USH1C: variants seen among roughly 807,000 people sequenced by gnomAD.
The protein encoded by USH1C is USH1 protein network component harmonin, also known as harmonin.
USH1C carries 90 observed loss-of-function variants against 119.3 expected under a neutral mutation model. The observed-to-expected ratio is 0.75, with a 90% CI of 0.64 to 0.90. The LOEUF (loss-of-function observed/expected upper bound fraction) is 0.90. Ranked by LOEUF, USH1C falls within the 40% of genes least tolerant of loss-of-function variation. The pLI, the probability that USH1C is intolerant of heterozygous loss-of-function variation, is 0.00. For synonymous variants in USH1C, 465 were observed against 443.3 expected (o/e 1.05, Z -0.62); for missense variants, 1,165 against 1,167.7 (o/e 1.00, Z 0.03).
rs1402165497 is a variant in USH1C, at chr11:17,510,278, C to T, written c.1530+127G>A. ...GGGGAGTGGGGTGGTAGGGGTGGGCCTGGACAGTGGATGGGCACTGTGAGG... is the reference window on the plus strand; with the variant it reads ...GGGGAGTGGGGTGGTAGGGGTGGGCTTGGACAGTGGATGGGCACTGTGAGG... On this transcript the variant is annotated intron_variant, in intron 17 of 26. Coordinates refer to ENST00000005226, the MANE Select transcript of USH1C (RefSeq NM_153676.4). 9.0e-6 allele frequency: 7 copies of T among 775,880 alleles called. No individual in the cohort carries two copies. In the East Asian group the frequency reaches 1.8e-4, roughly 20 times the overall value. 48.1% of individuals were successfully genotyped at this position (775,880 alleles called of 1,614,324 possible).
chr11:17,517,133 G>A (rs1477615734), intron 14 of USH1C, among the ~76,000 whole-genome samples: 1 of 152,124 alleles, frequency 6.6e-6, no homozygotes, highest in Non-Finnish European at 1.5e-5. Flanking sequence ...AGCAGCAGAG[G>A]GGGAATTTGG....
intron 17 of USH1C, 55 bp downstream of exon 17, chr11:17,510,350 G>T: frequency 6.9e-7 from 1 of 1,446,472 alleles, no homozygotes. Context: ...TGTCCCCACA[G>T]TGGGTCATTC....
At chr11:17,494,857 G>T in intron 26 of USH1C, 1 of 262,084 alleles carries the variant, frequency 3.8e-6, no homozygotes, top group South Asian at 5.0e-5. Flanking sequence ...CTGTCCACGG[G>T]CACATCCCTA....
Position 17,505,871 on chromosome 11 carries a change from G to T in USH1C, c.2092C>A (p.Pro698Thr). The T allele has an allele frequency of 6.2e-7, 1 of 1,614,204 alleles. No individual in the cohort carries two copies. The highest frequency in any genetic ancestry group is 8.5e-7 in the Non-Finnish European group (1 of 1,180,028). ...ISKPVMVHQE[P>T]NFIYRPAVKS... ...ACAGCTGGCCTGTAGATGAAATTGG[G>T]CTCCTGGTGGACCATGACAGGTTTG... Residue 698 changes from proline to threonine, a missense_variant, in exon 19 of 27, where the codon CCC becomes ACC. Transcript: ENST00000005226.
intron 16 of USH1C, 40 bp from the exon 17 acceptor site, chr11:17,510,561 G>T (rs750571535): frequency 1.4e-6 from 2 of 1,449,590 alleles, no homozygotes; most frequent in East Asian, 4.5e-5. Flanking sequence ...AGGACAAAGG[G>T]CACATTTGAA....
At chr11:17,519,050 C>T (rs1008839392) in intron 14 of USH1C, among the ~76,000 whole-genome samples, 2 of 151,988 alleles carry the variant, frequency 1.3e-5, no homozygotes, top group Non-Finnish European at 2.9e-5. Flanking sequence ...GGGCCCACCC[C>T]TTGCAGGCAT....
At position 17,510,471 on chromosome 11, in the gene USH1C, A is replaced by G. The variant is rs912495283; in HGVS notation, c.1464T>C (p.Tyr488=). ...EDLEESEKIQ[Y]WVERLCQTRL... ...GCGTTTGACAGAGCCTCTCCACCCA[A>G]TATTGAATCTTTTCCGATTCTTCAA... The change falls in exon 17 of 27, where the codon TAT becomes TAC. Residue 488 remains tyrosine (Y), a synonymous_variant. Transcript: ENST00000005226. The G allele has an allele frequency of 1.2e-6, 2 of 1,613,744 alleles. No homozygotes were observed. Among genetic ancestry groups the G allele is most frequent in the Non-Finnish European group, 8.5e-7 (1 of 1,179,980 alleles).
Position 17,509,361 on chromosome 11 carries a change from G to T in USH1C, c.2008C>A (p.Pro670Thr). Residue 670 changes from proline (P) to threonine (T), a missense_variant, in exon 18 of 27, where the codon CCA becomes ACA. By Grantham distance (38) the Pro-to-Thr change is conservative (BLOSUM62 -1). Coordinates refer to ENST00000005226, the MANE Select transcript of USH1C (RefSeq NM_153676.4). Reference sequence around the variant, plus strand: ...ATGCAGAACAGGGACATTACCTTTGGGGTGGGTGGGAAGCTCTGTTCAGGG... The same window carrying T: ...ATGCAGAACAGGGACATTACCTTTGTGGTGGGTGGGAAGCTCTGTTCAGGG... Reference protein sequence around the residue: ...PVPEQSFPPTPKTFCPSPQPP... With the variant: ...PVPEQSFPPTTKTFCPSPQPP... 1 of 1,577,186 alleles carries T rather than the reference G, an allele frequency of 6.3e-7. No homozygotes were observed. The highest frequency in any genetic ancestry group is 8.6e-7 in the Non-Finnish European group (1 of 1,157,124).
chr11:17,497,713 A>G (rs1849293617), intron 24 of USH1C, among the ~76,000 whole-genome samples: 1 of 152,238 alleles, frequency 6.6e-6, no homozygotes, highest in African/African-American at 2.4e-5. Context: ...TGTAGTGCAC[A>G]GCCTGGGCAA....
chr11:17,517,273 G>A, intron 14 of USH1C: 1 of 977,612 alleles, frequency 1.0e-6, no homozygotes, highest in East Asian at 2.6e-5. Flanking sequence ...GCTTGGAGGA[G>A]CTTTACAGAC....
intron 1 of USH1C, among the ~76,000 whole-genome samples, chr11:17,540,029 G>T (rs1444792305): frequency 2.0e-5 from 3 of 151,658 alleles, no homozygotes; most frequent in Non-Finnish European, 4.4e-5. Flanking sequence ...ATGGGGTCTC[G>T]CTATGTTGCC....
At chr11:17,520,314 CCAT>C (rs1328454040) in intron 14 of USH1C, among the ~76,000 whole-genome samples, 18 of 152,108 alleles carry the variant, frequency 1.2e-4, no homozygotes, top group Non-Finnish European at 2.1e-4. Flanking sequence ...CAGCCACAGC[CCAT>C]AGCTGGGTGT....
chr11:17,495,790 T>A, intron 25 of USH1C, 113 bp from the exon 26 acceptor site: 1 of 1,174,220 alleles, frequency 8.5e-7, no homozygotes, highest in Non-Finnish European at 1.3e-6. Flanking sequence ...GCCTAGCCCC[T>A]GGGTTCCAGA....
intron 1 of USH1C, among the ~76,000 whole-genome samples, chr11:17,540,791 C>G (rs1035285208): frequency 2.0e-5 from 3 of 152,196 alleles, no homozygotes; most frequent in Non-Finnish European, 4.4e-5. Context: ...GGCCTGGGCT[C>G]CTGCAGGAGC....
intron 12 of USH1C, among the ~76,000 whole-genome samples, chr11:17,522,555 T>C (rs1850457394): frequency 6.6e-6 from 1 of 152,158 alleles, no homozygotes; most frequent in South Asian, 2.1e-4. Context: ...TTCCATATTC[T>C]TGGAATGTTG....
chr11:17,495,542 G>A, intron 26 of USH1C, 27 bp downstream of exon 26: 1 of 1,608,792 alleles, frequency 6.2e-7, no homozygotes, highest in Non-Finnish European at 8.5e-7. Context: ...GGACACACAG[G>A]GCCCTGTGGC....
chr11:17,506,448 T>C (rs1849651342), intron 18 of USH1C, among the ~76,000 whole-genome samples: 1 of 152,210 alleles, frequency 6.6e-6, no homozygotes, highest in South Asian at 2.1e-4. Flanking sequence ...TGCTTGGCTC[T>C]AACCCACTTG....
chr11:17,530,808 C>T (rs1028230510), intron 4 of USH1C, among the ~76,000 whole-genome samples: 1 of 152,182 alleles, frequency 6.6e-6, no homozygotes, highest in Non-Finnish European at 1.5e-5. Context: ...TTTCCCCCTG[C>T]TGGTAAAAGG....
In USH1C at chr11:17,494,016, T is replaced by C; in HGVS notation, c.*316A>G. On this transcript the variant is annotated 3_prime_UTR_variant, in exon 27 of 27. Coordinates refer to ENST00000005226, the MANE Select transcript of USH1C (RefSeq NM_153676.4). ...TGGAGAGAGAGAGACTCCAGTGGGGTCTTATTAGGGTTCAAGGAAGGAGTC... is the reference window on the plus strand; with the variant it reads ...TGGAGAGAGAGAGACTCCAGTGGGGCCTTATTAGGGTTCAAGGAAGGAGTC... 2.2e-6 allele frequency: 1 copy of C among 447,052 alleles called. No homozygotes were observed. Among genetic ancestry groups the C allele is most frequent in the East Asian group, 4.3e-5 (1 of 23,018 alleles). 27.7% of individuals were successfully genotyped at this position (447,052 alleles called of 1,614,324 possible). A position where few individuals can be genotyped will look rare whatever the true frequency, so the allele number is the denominator to read the frequency against.
Sources: gnomAD v4.1 joint callset for allele counts (sites outside exome capture counted in the v4.1 genomes callset) on GRCh38, gnomAD v4.1.1 for gene constraint, MANE v1.5 for transcripts, NCBI Gene and HGNC (gene_info 2026-07-23, HGNC 2026-07-21) for gene names.